Variants in LMCD1 observed in about 807,000 individuals in gnomAD.
LMCD1 encodes the protein LIM and cysteine-rich domains protein 1.
LMCD1 carries 32 observed loss-of-function variants against 42.7 expected under a neutral mutation model. The observed-to-expected ratio is 0.75, with a 90% confidence interval of 0.57 to 1.01. The LOEUF (loss-of-function observed/expected upper bound fraction) is 1.01. LMCD1 is among the 50% of genes least tolerant of loss of function. The pLI, the probability that LMCD1 is intolerant of heterozygous loss-of-function variation, is 0.00. For synonymous variants in LMCD1, 178 were observed against 184.9 expected, an observed-to-expected ratio of 0.96 and a Z score of 0.30; for missense variants, 458 against 483.1, an observed-to-expected ratio of 0.95 and a Z score of 0.49.
intron 4 of LMCD1, among the ~76,000 whole-genome samples, chr3:8,561,146 G>A (rs954279168): frequency 2.0e-5 from 3 of 152,154 alleles, no homozygotes; most frequent in Admixed American, 6.5e-5. Context: ...TGGCAAAAAA[G>A]TAAATATTTC....
chr3:8,555,189 C>G (rs1694911715), intron 4 of LMCD1, among the ~76,000 whole-genome samples: 1 of 152,192 alleles, frequency 6.6e-6, no homozygotes. Flanking sequence ...CCCTCCCTCC[C>G]CCCCGCCAAA....
At position 8,569,061 on chromosome 3, in the gene LMCD1, A is replaced by G. The variant is rs1559359893; in HGVS notation, c.*1463A>G. ...CCTCGTCATGTTCATCTTCTCAAAG[A>G]TAAGTTTCAAGTGTGTCATTTCCTT... On this transcript the variant is annotated 3_prime_UTR_variant, in exon 6 of 6. Transcript: ENST00000157600. The G allele has an allele frequency of 2.6e-5, 4 of 152,236 alleles. No homozygotes were observed. Among genetic ancestry groups the G allele is most frequent in the Admixed American group, 2.0e-4 (3 of 15,280 alleles). The allele number at this position is 152,236 out of a possible 1,614,324, so 9.4% of individuals were successfully genotyped here. A position where few individuals can be genotyped will look rare whatever the true frequency, so the allele number is the denominator to read the frequency against.
chr3:8,565,519 A>T lies in LMCD1; in HGVS notation c.811A>T (p.Thr271Ser), dbSNP rs1559358842. The change falls in exon 5 of 6, where the codon ACC becomes TCC. Residue 271 changes from threonine (T) to serine (S), a missense_variant. By Grantham distance (58) the Thr-to-Ser change is moderately conservative (BLOSUM62 1). Transcript: ENST00000157600. ...AGGCTACAACAAGCAGTGGCACCCC[A>T]CCTGCTTTGTGTGTGCCAAGTGCTC... ...RAGYNKQWHP[T>S]CFVCAKCSEP... is the part of the protein sequence containing the mutation. 1 of 1,614,012 alleles carries T rather than the reference A, an allele frequency of 6.2e-7. No individual in the cohort carries two copies.
chr3:8,527,977 AGT>A (rs1223957337), intron 1 of LMCD1, among the ~76,000 whole-genome samples: 2 of 152,356 alleles, frequency 1.3e-5, no homozygotes, highest in Middle Eastern at 3.4e-3. Flanking sequence ...CTTCCAGAAC[AGT>A]AAACCATAAC....
intron 4 of LMCD1, among the ~76,000 whole-genome samples, chr3:8,564,786 G>T (rs149424980): frequency 3.3e-5 from 5 of 152,174 alleles, no homozygotes; most frequent in Admixed American, 1.3e-4. Flanking sequence ...TGCCTGGAAG[G>T]TCCTTTAAAA....
rs1695166515 is a variant in LMCD1, at chr3:8,568,599, T to A, written c.*1001T>A. 6.6e-6 allele frequency: 1 copy of A among 152,216 alleles called. No individual in the cohort carries two copies. The allele number at this position is 152,216 out of a possible 1,614,324, so 9.4% of individuals were successfully genotyped here. A position where few individuals can be genotyped will look rare whatever the true frequency, so the allele number is the denominator to read the frequency against. On this transcript the variant is annotated 3_prime_UTR_variant, in exon 6 of 6. Transcript: ENST00000157600. ...ACAAAATTTTTTCAATAAAAATTAA[T>A]CTAAAATTTAACAATGCCACTTTTA...
At chr3:8,531,611 G>A (rs773501725) in intron 1 of LMCD1, among the ~76,000 whole-genome samples, 7 of 152,120 alleles carry the variant, frequency 4.6e-5, no homozygotes, top group African/African-American at 7.2e-5. Context: ...TCCAAAATTC[G>A]TGCCTCTTTT....
chr3:8,543,675 G>A (rs1694679938), intron 3 of LMCD1, among the ~76,000 whole-genome samples: 1 of 152,148 alleles, frequency 6.6e-6, no homozygotes, highest in Non-Finnish European at 1.5e-5. Context: ...TAGAGATGAG[G>A]TCTCTCTGTT....
intron 1 of LMCD1, among the ~76,000 whole-genome samples, chr3:8,514,699 T>G (rs1694066886): frequency 6.6e-6 from 1 of 152,212 alleles, no homozygotes; most frequent in African/African-American, 2.4e-5. Flanking sequence ...CTAATATATG[T>G]AACAACATGG....
chr3:8,541,526 G>A (rs941434640), intron 3 of LMCD1, among the ~76,000 whole-genome samples: 1 of 152,144 alleles, frequency 6.6e-6, no homozygotes, highest in Non-Finnish European at 1.5e-5. Context: ...TCCAGCCTGG[G>A]CAACAAGAGC....
intron 4 of LMCD1, among the ~76,000 whole-genome samples, chr3:8,551,729 T>G (rs1335280341): frequency 6.6e-6 from 1 of 151,892 alleles, no homozygotes; most frequent in Non-Finnish European, 1.5e-5. Flanking sequence ...CCATTAGGAG[T>G]GGGTGTGGGC....
At chr3:8,504,147 G>C (rs1001777967) in intron 1 of LMCD1, among the ~76,000 whole-genome samples, 1 of 152,134 alleles carries the variant, frequency 6.6e-6, no homozygotes, top group African/African-American at 2.4e-5. Context: ...ACAATCAGGA[G>C]GAAGATCACC....
intron 1 of LMCD1, among the ~76,000 whole-genome samples, chr3:8,530,034 A>G (rs552452087): frequency 2.6e-5 from 4 of 152,184 alleles, no homozygotes; most frequent in Non-Finnish European, 5.9e-5. Flanking sequence ...ACTGAGACTA[A>G]AACCCGGGAC....
intron 1 of LMCD1, among the ~76,000 whole-genome samples, chr3:8,527,223 G>A (rs755547840): frequency 2.5e-4 from 38 of 152,266 alleles, no homozygotes; most frequent in Middle Eastern, 3.4e-3. Flanking sequence ...TGATCACTGG[G>A]AAAGATAAAA....
chr3:8,549,488 C>T (rs1361184187), intron 4 of LMCD1, among the ~76,000 whole-genome samples: 1 of 152,070 alleles, frequency 6.6e-6, no homozygotes, highest in Non-Finnish European at 1.5e-5. Context: ...GTATTAGCTG[C>T]ACTGCCCCAG....
intron 4 of LMCD1, among the ~76,000 whole-genome samples, chr3:8,554,517 G>A (rs1197681697): frequency 6.6e-6 from 1 of 152,166 alleles, no homozygotes; most frequent in Non-Finnish European, 1.5e-5. Flanking sequence ...GGATTCCCAT[G>A]TCCACCCCCA....
Position 8,548,921 on chromosome 3 carries a change from T to C in LMCD1, c.723+18T>C. 6.7e-7 allele frequency: 1 copy of C among 1,484,592 alleles called. No individual in the cohort carries two copies. Among genetic ancestry groups the C allele is most frequent in the Non-Finnish European group, 9.0e-7 (1 of 1,113,932 alleles). 92.0% of individuals were successfully genotyped at this position (1,484,592 alleles called of 1,614,324 possible). ...TGGAATACGTAAGTTTCTCCCATGCTTCCAGCCAGGCTGAAACCATGCAGG... is the reference window on the plus strand; with the variant it reads ...TGGAATACGTAAGTTTCTCCCATGCCTCCAGCCAGGCTGAAACCATGCAGG... On this transcript the variant is annotated intron_variant, in intron 4 of 5. Transcript: ENST00000157600.
chr3:8,551,949 T>G (rs541007166), intron 4 of LMCD1, among the ~76,000 whole-genome samples: 8 of 152,182 alleles, frequency 5.3e-5, no homozygotes, highest in Non-Finnish European at 1.2e-4. Flanking sequence ...GCATTCAACT[T>G]GAGAATAAAG....
intron 1 of LMCD1, among the ~76,000 whole-genome samples, chr3:8,517,427 C>A (rs1694120459): frequency 6.6e-6 from 1 of 152,186 alleles, no homozygotes; most frequent in South Asian, 2.1e-4. Flanking sequence ...TGAAATACTT[C>A]TGGTCCTAAG....
Sources: gnomAD v4.1 joint callset for allele counts (sites outside exome capture counted in the v4.1 genomes callset) on GRCh38, gnomAD v4.1.1 for gene constraint, MANE v1.5 for transcripts, NCBI Gene and HGNC (gene_info 2026-07-23, HGNC 2026-07-21) for gene names.